The following RNF17 variants were observed in gnomAD, a reference collection of about 807,000 sequenced individuals.
RNF17 encodes the protein ring finger protein 17, also known as spermatogenesis associated 23.
In RNF17, 31 loss-of-function variants were observed where a neutral mutation model predicts 200.5. The observed-to-expected ratio is 0.15, with a 90% CI of 0.12 to 0.21. The LOEUF is 0.21. Among genes scored for constraint, RNF17 ranks in the 10% least tolerant of loss-of-function variants. The pLI is 1.00. For synonymous variants in RNF17, 606 were observed against 637.8 expected (o/e 0.95, Z 0.75); for missense variants, 1,628 against 1,905.1 (o/e 0.85, Z 2.71).
At chr13:24,876,407 CTT>C (rs554291186) in intron 33 of RNF17, among the ~76,000 whole-genome samples, 80 of 152,272 alleles carry the variant, frequency 5.3e-4, no homozygotes, top group Non-Finnish European at 9.9e-4. Context: ...ACATTTATCT[CTT>C]TGAGTACCTT....
chr13:24,862,905 A>T, intron 28 of RNF17, 112 bp downstream of exon 28: 1 of 545,670 alleles, frequency 1.8e-6, no homozygotes, highest in Non-Finnish European at 3.2e-6. Context: ...TTCTTATGTG[A>T]ATTGCTTGTT....
chr13:24,810,796 T>C (rs1191121515), intron 15 of RNF17, among the ~76,000 whole-genome samples: 3 of 149,420 alleles, frequency 2.0e-5, no homozygotes, highest in Non-Finnish European at 3.0e-5. Flanking sequence ...TTCCTTTCCA[T>C]GTTTAGCGCT....
intron 30 of RNF17, 40 bp from the exon 31 acceptor site, chr13:24,868,560 G>A (rs1479335562): frequency 1.1e-6 from 1 of 886,918 alleles, no homozygotes; most frequent in Non-Finnish European, 1.8e-6. Flanking sequence ...ATAGATTTTT[G>A]TCCTTATTCT....
chr13:24,756,335 TAGA>T, the RNF17 span, among the ~76,000 whole-genome samples: 4 of 152,184 alleles, frequency 2.6e-5, no homozygotes, highest in Non-Finnish European at 4.4e-5. Flanking sequence ...AAATGATTAG[TAGA>T]AGAAATTACT....
intron 15 of RNF17, among the ~76,000 whole-genome samples, chr13:24,809,555 C>T (rs1218991317): frequency 1.6e-4 from 24 of 151,954 alleles, no homozygotes; most frequent in South Asian, 4.2e-4. Context: ...GTCTTGCTAG[C>T]GGTCTATCAA....
At chr13:24,883,187 G>A (rs771084235), downstream of RNF17, 33 of 1,613,586 alleles carry the variant, frequency 2.0e-5, no homozygotes, top group African/African-American at 4.0e-5. Flanking sequence ...TCACAGCTCC[G>A]TGTCCATTAG....
the RNF17 span, among the ~76,000 whole-genome samples, chr13:24,758,620 C>A: frequency 6.6e-6 from 1 of 152,048 alleles, no homozygotes; most frequent in African/African-American, 2.4e-5. Flanking sequence ...AGGGATTAAC[C>A]ACTAAATTTT....
chr13:24,885,719 T>C, the RNF17 span: 2 of 1,303,818 alleles, frequency 1.5e-6, no homozygotes. Flanking sequence ...TAATTGAAAA[T>C]TTTATTAGTA....
chr13:24,747,845 G>C, the RNF17 span, among the ~76,000 whole-genome samples: 26,710 of 152,302 alleles, frequency 0.18, 2,463 homozygotes, highest in East Asian at 0.23. Flanking sequence ...GAAGCCGCAG[G>C]GGCTCTAAAG....
At chr13:24,786,240 A>G (rs1011422179) in intron 6 of RNF17, among the ~76,000 whole-genome samples, 3 of 152,166 alleles carry the variant, frequency 2.0e-5, no homozygotes, top group Non-Finnish European at 2.9e-5. Context: ...TCCTGAAGTT[A>G]TAACAATCTG....
intron 30 of RNF17, among the ~76,000 whole-genome samples, chr13:24,866,489 T>G (rs900963753): frequency 1.3e-5 from 2 of 152,230 alleles, no homozygotes; most frequent in Non-Finnish European, 2.9e-5. Flanking sequence ...TCCCTATGGA[T>G]TTGCTTATCC....
chr13:24,761,294 TC>T (rs1369567942), upstream of RNF17, among the ~76,000 whole-genome samples: 1 of 152,230 alleles, frequency 6.6e-6, no homozygotes. Flanking sequence ...TTAATCCCAC[TC>T]TTATGTTGGG....
In RNF17 at chr13:24,764,191, G is replaced by T; in HGVS notation, c.-13G>T. 1 of 1,579,082 alleles carries T rather than the reference G, an allele frequency of 6.3e-7. No homozygotes were observed. Among genetic ancestry groups the T allele is most frequent in the African/African-American group, 1.3e-5 (1 of 74,500 alleles). On this transcript the variant is annotated 5_prime_UTR_variant, in exon 1 of 36. Coordinates refer to ENST00000255324, the MANE Select transcript of RNF17 (RefSeq NM_031277.3). ...CTCGCACTCGGCGGTTGTTCCAGAAGAAAGAGACAGCGATGGCGGCAGAGG... is the reference window on the plus strand; with the variant it reads ...CTCGCACTCGGCGGTTGTTCCAGAATAAAGAGACAGCGATGGCGGCAGAGG...
chr13:24,764,965 T>C (rs1264600469), intron 1 of RNF17, among the ~76,000 whole-genome samples: 1 of 151,492 alleles, frequency 6.6e-6, no homozygotes. Context: ...TGCACTATTA[T>C]TGGTCTGTTC....
intron 14 of RNF17, among the ~76,000 whole-genome samples, 170 bp from the exon 15 acceptor site, chr13:24,804,118 C>T (rs1403164434): frequency 6.6e-6 from 1 of 152,054 alleles, no homozygotes. Flanking sequence ...AAAAATTAGC[C>T]AGGTGTGATG....
At chr13:24,871,910 C>T (rs1287693844) in intron 32 of RNF17, among the ~76,000 whole-genome samples, 9 of 148,734 alleles carry the variant, frequency 6.1e-5, no homozygotes, top group Admixed American at 2.7e-4. Flanking sequence ...GGATTACAGG[C>T]GTGAGCCACC....
At chr13:24,821,170 TCTC>T (rs1888006921) in intron 15 of RNF17, among the ~76,000 whole-genome samples, 1 of 152,200 alleles carries the variant, frequency 6.6e-6, no homozygotes, top group Admixed American at 6.5e-5. Flanking sequence ...CACATGGAGT[TCTC>T]CTTGTATATT....
At chr13:24,856,206 A>T (rs1892473290) in intron 25 of RNF17, among the ~76,000 whole-genome samples, 1 of 151,992 alleles carries the variant, frequency 6.6e-6, no homozygotes, top group South Asian at 2.1e-4. Flanking sequence ...TGGATCACAA[A>T]GTCAGGAGTT....
intron 1 of RNF17, among the ~76,000 whole-genome samples, chr13:24,765,916 T>G (rs1462795740): frequency 6.6e-6 from 1 of 152,220 alleles, no homozygotes; most frequent in East Asian, 1.9e-4. Flanking sequence ...AGGAAACTTG[T>G]AAAGTTTTTA....
Sources: allele counts gnomAD v4.1 joint callset (sites outside exome capture counted in the v4.1 genomes callset), GRCh38; gene constraint gnomAD v4.1.1; transcripts MANE v1.5; gene names NCBI Gene and HGNC (gene_info 2026-07-23, HGNC 2026-07-21).